Variants in SHISA6 observed in about 807,000 individuals in gnomAD.
SHISA6 encodes protein shisa-6.
SHISA6 carries 22 observed loss-of-function variants against 47.9 expected under a neutral mutation model. The observed-to-expected ratio is 0.46, with a 90% CI of 0.33 to 0.66. The LOEUF is 0.66. Among genes scored for constraint, SHISA6 ranks in the 30% least tolerant of loss-of-function variants. The pLI, the probability that SHISA6 is intolerant of heterozygous loss-of-function variation, is 0.02. For synonymous variants in SHISA6, 388 were observed against 337.8 expected (o/e 1.15, Z -1.63); for missense variants, 680 against 764.6 (o/e 0.89, Z 1.30).
intron 2 of SHISA6, among the ~76,000 whole-genome samples, chr17:11,368,696 G>A (rs529094375): frequency 1.8e-4 from 27 of 151,994 alleles, no homozygotes; most frequent in South Asian, 1.0e-3. Flanking sequence ...TTGCTCTGTC[G>A]CCCAGGCTGG....
At chr17:11,476,060 A>C (rs1461480828) in intron 3 of SHISA6, among the ~76,000 whole-genome samples, 1 of 151,940 alleles carries the variant, frequency 6.6e-6, no homozygotes, top group Non-Finnish European at 1.5e-5. Context: ...AGGTTATATA[A>C]TTTGTGGGCA....
At chr17:11,350,341 G>A (rs1349189648) in intron 2 of SHISA6, among the ~76,000 whole-genome samples, 1 of 2,130 alleles carries the variant, frequency 4.7e-4, no homozygotes, top group East Asian at 0.5. Context: ...CACCACGCCC[G>A]GCTAATTTTT....
chr17:11,494,812 G>A (rs1163348241), intron 3 of SHISA6, among the ~76,000 whole-genome samples: 1 of 152,204 alleles, frequency 6.6e-6, no homozygotes, highest in African/African-American at 2.4e-5. Flanking sequence ...AGTTCTCAAT[G>A]TTGGCTGTGC....
chr17:11,469,745 A>T (rs896376736), intron 3 of SHISA6, among the ~76,000 whole-genome samples: 1 of 152,158 alleles, frequency 6.6e-6, no homozygotes, highest in Non-Finnish European at 1.5e-5. Flanking sequence ...AGACTGGAGC[A>T]TCATGAGGAA....
intron 2 of SHISA6, among the ~76,000 whole-genome samples, chr17:11,295,217 A>G (rs1909705517): frequency 6.6e-6 from 1 of 152,244 alleles, no homozygotes; most frequent in South Asian, 2.1e-4. Context: ...GCAGAAAGCA[A>G]AACGGCAGAT....
rs141814907 is a variant in SHISA6 at position 11,511,268 on chromosome 17, C to T, written c.896-40628C>T. 1.9e-3 allele frequency among the ~76,000 whole-genome samples: 285 copies of T among 152,120 alleles called. 1 individual carries two copies. The highest frequency in any genetic ancestry group is 6.2e-3 in the African/African-American group (259 of 41,510). On this transcript the variant is annotated intron_variant, in intron 3 of 5. Coordinates refer to ENST00000441885, the MANE Select transcript of SHISA6 (RefSeq NM_207386.4). ...CATGGACACAGGGAGGGCAGCATCA[C>T]ACACTGGGGCCTGTCAAGGGGTGAG...
chr17:11,355,819 G>A (rs753864232), intron 2 of SHISA6, among the ~76,000 whole-genome samples: 3 of 152,196 alleles, frequency 2.0e-5, no homozygotes, highest in East Asian at 1.9e-4. Flanking sequence ...GGGGAATGCC[G>A]AGAATCATCA....
chr17:11,375,361 C>G (rs2142241161), intron 2 of SHISA6, among the ~76,000 whole-genome samples: 1 of 152,188 alleles, frequency 6.6e-6, no homozygotes, highest in Non-Finnish European at 1.5e-5. Flanking sequence ...CTCTGAGTAC[C>G]CAGTGCCTTT....
At chr17:11,325,410 G>C (rs1261085521) in intron 2 of SHISA6, among the ~76,000 whole-genome samples, 1 of 152,234 alleles carries the variant, frequency 6.6e-6, no homozygotes, top group Non-Finnish European at 1.5e-5. Flanking sequence ...TTGGGCAGCT[G>C]GGTGACCCAG....
chr17:11,277,268 TCTCTCTCTCTCTCACACACACA>T (rs1908942272), intron 2 of SHISA6, among the ~76,000 whole-genome samples: 1 of 110,822 alleles, frequency 9.0e-6, no homozygotes, highest in South Asian at 3.8e-4. Flanking sequence ...TCTCTCTCTC[TCTCTCTCTCTCTCACACACACA>T]CACACACACA....
intron 3 of SHISA6, among the ~76,000 whole-genome samples, chr17:11,410,179 G>C (rs1914076601): frequency 6.6e-6 from 1 of 152,124 alleles, no homozygotes; most frequent in Non-Finnish European, 1.5e-5. Context: ...CAGTTGCTAG[G>C]GTAAGACTAA....
chr17:11,354,666 C>G (rs1912022305), intron 2 of SHISA6, among the ~76,000 whole-genome samples: 1 of 152,236 alleles, frequency 6.6e-6, no homozygotes, highest in South Asian at 2.1e-4. Flanking sequence ...AGCTGTGACT[C>G]AGTCCACTGG....
At chr17:11,459,920 C>T (rs548373085) in intron 3 of SHISA6, among the ~76,000 whole-genome samples, 1 of 152,316 alleles carries the variant, frequency 6.6e-6, no homozygotes, top group Non-Finnish European at 1.5e-5. Context: ...CTGATAGGAG[C>T]GATTGCTCAT....
chr17:11,530,074 C>T (rs568576158), intron 3 of SHISA6, among the ~76,000 whole-genome samples: 5 of 152,188 alleles, frequency 3.3e-5, no homozygotes, highest in Middle Eastern at 3.4e-3. Context: ...TACTGTCAAT[C>T]GGAATCAGAA....
At chr17:11,477,668 T>C (rs1454419275) in intron 3 of SHISA6, among the ~76,000 whole-genome samples, 1 of 145,672 alleles carries the variant, frequency 6.9e-6, no homozygotes, top group African/African-American at 2.6e-5. Flanking sequence ...GAATATGCGG[T>C]GTTTGGTTTT....
intron 3 of SHISA6, among the ~76,000 whole-genome samples, chr17:11,476,688 A>G (rs1020264404): frequency 5.3e-5 from 8 of 151,840 alleles, no homozygotes; most frequent in African/African-American, 7.2e-5. Context: ...AATATGGTCT[A>G]TCTTGGTGAG....
chr17:11,462,606 G>C (rs535564113), intron 3 of SHISA6, among the ~76,000 whole-genome samples: 1 of 152,104 alleles, frequency 6.6e-6, no homozygotes, highest in East Asian at 1.9e-4. Flanking sequence ...TGACAGTGTG[G>C]GGTTTTTTTT....
At chr17:11,515,662 C>T (rs953632216) in intron 3 of SHISA6, among the ~76,000 whole-genome samples, 1 of 152,018 alleles carries the variant, frequency 6.6e-6, no homozygotes, top group Non-Finnish European at 1.5e-5. Flanking sequence ...CAGAATGTAC[C>T]CTTTGTGCCT....
Position 11,502,960 on chromosome 17 carries a change from G to C in SHISA6, c.896-48936G>C, listed in dbSNP as rs148167931. On this transcript the variant is annotated intron_variant, in intron 3 of 5. Transcript: ENST00000441885. ...TTAATTTCAGGGTCGGGTCTTTGGA[G>C]ATTACTGTGGGGTAGGGGTAGAAGG... Among the ~76,000 whole-genome samples, 411 of 152,304 alleles carry C rather than the reference G, an allele frequency of 2.7e-3. 1 individual carries two copies. The highest frequency in any genetic ancestry group is 9.5e-3 in the African/African-American group (393 of 41,568).
Sources: gnomAD v4.1 joint callset for allele counts (sites outside exome capture counted in the v4.1 genomes callset) on GRCh38, gnomAD v4.1.1 for gene constraint, MANE v1.5 for transcripts, NCBI Gene and HGNC (gene_info 2026-07-23, HGNC 2026-07-21) for gene names.